Variants in CDH13 observed in about 807,000 individuals in gnomAD.
CDH13 encodes the protein cadherin-13.
Under a neutral mutation model 63.8 loss-of-function variants are expected in CDH13, and 24 were observed. The observed-to-expected ratio is 0.38, with a 90% CI of 0.27 to 0.53. The LOEUF is 0.53. CDH13 is among the 20% of genes least tolerant of loss of function. The pLI is 0.85. For missense variants in CDH13, 1,049 were observed against 903.1 expected, an observed-to-expected ratio of 1.16 and a Z score of -2.07; for synonymous variants, 503 against 355.3, an observed-to-expected ratio of 1.42 and a Z score of -4.67.
chr16:82,822,534 T>C (rs1382378562), intron 1 of CDH13, among the ~76,000 whole-genome samples: 1 of 152,228 alleles, frequency 6.6e-6, no homozygotes, highest in African/African-American at 2.4e-5. Context: ...TCTCATTCTG[T>C]CACTCAGGCT....
intron 1 of CDH13, among the ~76,000 whole-genome samples, chr16:82,732,053 A>C (rs1965623092): frequency 6.6e-6 from 1 of 152,184 alleles, no homozygotes; most frequent in Non-Finnish European, 1.5e-5. Flanking sequence ...TGATCCCTTC[A>C]GTACCAAATG....
At chr16:82,931,513 C>CTTTT (rs11442675) in intron 2 of CDH13, among the ~76,000 whole-genome samples, 2,348 of 144,354 alleles carry the variant, frequency 0.016, 56 homozygotes, top group African/African-American at 0.056. Context: ...AGGTCCCCCC[C>CTTTT]TTTTTTTTTT....
At chr16:83,222,978 A>G (rs2039740784) in intron 5 of CDH13, among the ~76,000 whole-genome samples, 1 of 151,980 alleles carries the variant, frequency 6.6e-6, no homozygotes. Flanking sequence ...TACCCACTAG[A>G]TGCCAGTACC....
chr16:82,903,858 A>G (rs1219576684), intron 2 of CDH13, among the ~76,000 whole-genome samples: 1 of 152,088 alleles, frequency 6.6e-6, no homozygotes, highest in Non-Finnish European at 1.5e-5. Flanking sequence ...GGTGATGCAG[A>G]TTGCTGAAGT....
chr16:82,989,956 C>T (rs1911450844), intron 2 of CDH13, among the ~76,000 whole-genome samples: 1 of 151,870 alleles, frequency 6.6e-6, no homozygotes, highest in Admixed American at 6.6e-5. Flanking sequence ...TTTTTTTTTA[C>T]CAGCTCCCCT....
intron 2 of CDH13, among the ~76,000 whole-genome samples, chr16:82,924,152 T>C (rs1194997437): frequency 6.6e-6 from 1 of 152,240 alleles, no homozygotes; most frequent in Non-Finnish European, 1.5e-5. Context: ...GAAAAACTAG[T>C]TATACATTGC....
At chr16:83,377,498 G>A (rs1036087704) in intron 6 of CDH13, among the ~76,000 whole-genome samples, 2 of 152,100 alleles carry the variant, frequency 1.3e-5, no homozygotes, top group Admixed American at 6.6e-5. Flanking sequence ...GAGCTTTATT[G>A]TCAGTCACAG....
intron 6 of CDH13, among the ~76,000 whole-genome samples, chr16:83,353,907 C>T (rs143917149): frequency 1.6e-4 from 25 of 152,226 alleles, no homozygotes; most frequent in East Asian, 1.5e-3. Flanking sequence ...AGGCCCAAGC[C>T]GGGAGTCATC....
Position 83,496,632 on chromosome 16 carries a change from A to G in CDH13, c.960+9977A>G, listed in dbSNP as rs1163652560. ...ACTTCATGTCTAAAACACCAAAAGCAATGGCAACAAAAGACAAAATTGACA... is the reference window on the plus strand; with the variant it reads ...ACTTCATGTCTAAAACACCAAAAGCGATGGCAACAAAAGACAAAATTGACA... On this transcript the variant is annotated intron_variant, in intron 7 of 13. Transcript: ENST00000567109. Among the ~76,000 whole-genome samples, 4 of 152,326 alleles carry G rather than the reference A, an allele frequency of 2.6e-5. No individual in the cohort carries two copies. In the East Asian group the frequency reaches 7.7e-4, roughly 29 times the overall value.
intron 3 of CDH13, among the ~76,000 whole-genome samples, chr16:83,087,452 G>A (rs1202748862): frequency 1.3e-5 from 2 of 151,916 alleles, no homozygotes; most frequent in Non-Finnish European, 2.9e-5. Flanking sequence ...GGCAGATCAC[G>A]AGGTCAGGAG....
intron 1 of CDH13, among the ~76,000 whole-genome samples, chr16:82,672,752 A>C (rs1032443585): frequency 6.7e-6 from 1 of 149,566 alleles, no homozygotes; most frequent in East Asian, 2.0e-4. Context: ...CCTTTAAGAA[A>C]GGAAATATAT....
chr16:83,771,449 C>T (rs376143320), intron 11 of CDH13, among the ~76,000 whole-genome samples: 5 of 152,188 alleles, frequency 3.3e-5, no homozygotes, highest in African/African-American at 9.7e-5. Context: ...GTTGTCAGTG[C>T]TGAGTGGGAA....
chr16:83,460,669 C>A (rs141222313), intron 6 of CDH13, among the ~76,000 whole-genome samples: 1 of 152,112 alleles, frequency 6.6e-6, no homozygotes, highest in Non-Finnish European at 1.5e-5. Context: ...AGAAGTAAAA[C>A]TATGAAGCAA....
intron 7 of CDH13, among the ~76,000 whole-genome samples, chr16:83,567,414 G>A (rs1904292393): frequency 1.3e-5 from 2 of 152,216 alleles, no homozygotes; most frequent in African/African-American, 2.4e-5. Context: ...ATATCTGCAT[G>A]TACGAGTTGC....
rs192533470 is a variant in CDH13, at chr16:83,678,279, C to G, written c.1356C>G (p.Pro452=). 11 of 1,613,852 alleles carry G rather than the reference C, an allele frequency of 6.8e-6. No homozygotes were observed. The highest frequency in any genetic ancestry group is 1.1e-5 in the South Asian group (1 of 91,084). Residue 452 remains proline (P), a synonymous_variant, in exon 10 of 14, where the codon CCC becomes CCG. Coordinates refer to ENST00000567109, the MANE Select transcript of CDH13 (RefSeq NM_001257.5). ...TGGAAAATGAAGACCCACTCGTACC[C>G]GACGTCTCCTACGGCCCCAGCTCCA... ...IKVENEDPLV[P]DVSYGPSSTA...
intron 3 of CDH13, among the ~76,000 whole-genome samples, chr16:83,109,147 A>G (rs1016098795): frequency 5.3e-5 from 8 of 152,226 alleles, no homozygotes; most frequent in African/African-American, 1.9e-4. Flanking sequence ...ACCAGAAGTC[A>G]CGAGGATCCC....
intron 5 of CDH13, among the ~76,000 whole-genome samples, chr16:83,254,189 C>G (rs1905931374): frequency 6.6e-6 from 1 of 152,156 alleles, no homozygotes; most frequent in Non-Finnish European, 1.5e-5. Flanking sequence ...TCCTGTGACC[C>G]TGTGCAAATT....
chr16:83,138,141 G>A (rs2036378186), intron 4 of CDH13, among the ~76,000 whole-genome samples: 2 of 152,132 alleles, frequency 1.3e-5, no homozygotes, highest in Non-Finnish European at 2.9e-5. Flanking sequence ...GCATCGGGTG[G>A]TTTGGGACAA....
intron 1 of CDH13, among the ~76,000 whole-genome samples, chr16:82,818,585 G>C (rs531623236): frequency 6.6e-6 from 1 of 152,142 alleles, no homozygotes; most frequent in African/African-American, 2.4e-5. Context: ...GAAGCAAAAA[G>C]ATTTTGCTTT....
Sources: gnomAD v4.1 joint callset for allele counts (sites outside exome capture counted in the v4.1 genomes callset) on GRCh38, gnomAD v4.1.1 for gene constraint, MANE v1.5 for transcripts, NCBI Gene and HGNC (gene_info 2026-07-23, HGNC 2026-07-21) for gene names.